SC5D: variants seen among roughly 807,000 people sequenced by gnomAD.
The protein encoded by SC5D is sterol-C5-desaturase.
SC5D carries 21 observed loss-of-function variants against 23.9 expected under a neutral mutation model. That is an observed-to-expected ratio of 0.88 (90% CI 0.62 to 1.26). The LOEUF is 1.26. SC5D is among the 50% of genes most tolerant of loss of function. The pLI is 0.00. For missense variants in SC5D, 309 were observed against 364.8 expected (o/e 0.85, Z 1.25); for synonymous variants, 113 against 125.9 (o/e 0.90, Z 0.68).
chr11:121,307,176 A>G lies in SC5D; in HGVS notation c.564A>G (p.Pro188=), dbSNP rs1303373158. ...LPYHIYPFIF[P]LHKVVYLSLY... is the part of the protein sequence containing the mutation. ...ACCATATATACCCTTTTATCTTTCCATTACACAAGGTGGTTTATTTAAGTC... is the reference window on the plus strand; with the variant it reads ...ACCATATATACCCTTTTATCTTTCCGTTACACAAGGTGGTTTATTTAAGTC... Residue 188 remains proline, a synonymous_variant, in exon 5 of 5, where the codon CCA becomes CCG. Coordinates refer to ENST00000264027, the MANE Select transcript of SC5D (RefSeq NM_006918.5). The G allele has an allele frequency of 4.3e-6, 7 of 1,613,864 alleles. No homozygotes were observed. The highest frequency in any genetic ancestry group is 2.2e-5 in the East Asian group (1 of 44,888).
chr11:121,297,461 T>G (rs1375196020), intron 1 of SC5D, among the ~76,000 whole-genome samples: 1 of 152,256 alleles, frequency 6.6e-6, no homozygotes, highest in Non-Finnish European at 1.5e-5. Context: ...TCTTTTTGCT[T>G]TAAGTTCGGC....
chr11:121,306,752 A>T lies in SC5D; in HGVS notation c.444+266A>T, dbSNP rs1167979538. Reference sequence around the variant, plus strand: ...ATTAGAGACTCCAGAAGGTGGGAGGATGGGAGAGGAGTGAGGGATGAGACG... The same window carrying T: ...ATTAGAGACTCCAGAAGGTGGGAGGTTGGGAGAGGAGTGAGGGATGAGACG... On this transcript the variant is annotated intron_variant, in intron 4 of 4. Transcript: ENST00000264027. The T allele has an allele frequency of 1.6e-5, 10 of 621,962 alleles. No individual in the cohort carries two copies. In the African/African-American group the frequency reaches 1.8e-4, roughly 11 times the overall value. The allele number at this position is 621,962 out of a possible 1,614,324, so 38.5% of individuals were successfully genotyped here. A position where few individuals can be genotyped will look rare whatever the true frequency, so the allele number is the denominator to read the frequency against.
rs902668104 is a variant in SC5D at position 121,310,910 on chromosome 11, A to T, written c.*3398A>T. On this transcript the variant is annotated 3_prime_UTR_variant, in exon 5 of 5. Transcript: ENST00000264027. ...GAAAATAAATTTCTATTATTTATAG[A>T]TTACCCAGTTGAAGATACTTTGTTA... Among the ~76,000 whole-genome samples the T allele has an allele frequency of 2.6e-5, 4 of 152,244 alleles. No individual in the cohort carries two copies. Among genetic ancestry groups the T allele is most frequent in the Non-Finnish European group, 5.9e-5 (4 of 68,040 alleles).
chr11:121,301,529 A>G (rs1420532819), intron 1 of SC5D, among the ~76,000 whole-genome samples: 1 of 152,170 alleles, frequency 6.6e-6, no homozygotes, highest in Non-Finnish European at 1.5e-5. Context: ...GAGTCCTAAA[A>G]GGAGAAGAGA....
chr11:121,298,433 G>A (rs972927918), intron 1 of SC5D, among the ~76,000 whole-genome samples: 2 of 152,182 alleles, frequency 1.3e-5, no homozygotes, highest in Non-Finnish European at 1.5e-5. Flanking sequence ...ATTACTTAAT[G>A]CTTGAAATGA....
chr11:121,304,499 TAAATA>T lies in SC5D; in HGVS notation c.343+8_343+12del, dbSNP rs1252435705. The T allele has an allele frequency of 6.2e-7, 1 of 1,613,088 alleles. No homozygotes were observed. Among genetic ancestry groups the T allele is most frequent in the South Asian group, 1.1e-5 (1 of 91,070 alleles). ...CCTAGGAGAGTTTCCATATGGTAAGTAAATAACACGAGTGTCAGGAAGAGAGTAGT... is the reference window on the plus strand; with the variant it reads ...CCTAGGAGAGTTTCCATATGGTAAGTACACGAGTGTCAGGAAGAGAGTAGT... On this transcript the variant is annotated splice_region_variant and intron_variant, in intron 3 of 4. Coordinates refer to ENST00000264027, the MANE Select transcript of SC5D (RefSeq NM_006918.5).
At position 121,313,099 on chromosome 11, in the gene SC5D, G is replaced by A. The variant is rs1380327668; in HGVS notation, c.*5587G>A. 6.6e-6 allele frequency among the ~76,000 whole-genome samples: 1 copy of A among 152,042 alleles called. No homozygotes were observed. The highest frequency in any genetic ancestry group is 1.5e-5 in the Non-Finnish European group (1 of 67,980). On this transcript the variant is annotated 3_prime_UTR_variant, in exon 5 of 5. Transcript: ENST00000264027. ...TCTTACCAGAATAAATTTCCTCTCC[G>A]TTTGCAGTCATTCTCCCCAGCCCTA...
intron 3 of SC5D, 113 bp from the exon 4 acceptor site, chr11:121,306,273 T>C (rs1326794400): frequency 1.4e-6 from 1 of 706,204 alleles, no homozygotes; most frequent in African/African-American, 1.8e-5. Flanking sequence ...GAACAGATCA[T>C]TTATAATGTT....
chr11:121,306,248 A>T, intron 3 of SC5D, 138 bp from the exon 4 acceptor site: 1 of 677,164 alleles, frequency 1.5e-6, no homozygotes, highest in Non-Finnish European at 2.7e-6. Context: ...AGTTTATAAT[A>T]TACTGAATTA....
At chr11:121,294,765 T>C (rs1174895885) in intron 1 of SC5D, among the ~76,000 whole-genome samples, 1 of 152,156 alleles carries the variant, frequency 6.6e-6, no homozygotes, top group Non-Finnish European at 1.5e-5. Flanking sequence ...CAATCAAACA[T>C]GTTTGTGTTC....
At chr11:121,294,084 T>C (rs1199131543) in intron 1 of SC5D, among the ~76,000 whole-genome samples, 1 of 152,240 alleles carries the variant, frequency 6.6e-6, no homozygotes. Context: ...TCTATACTTT[T>C]AAAGTAGGGC....
chr11:121,295,949 G>A (rs1947886042), intron 1 of SC5D, among the ~76,000 whole-genome samples: 1 of 152,112 alleles, frequency 6.6e-6, no homozygotes, highest in African/African-American at 2.4e-5. Flanking sequence ...GCCACTGCCC[G>A]AGGTCAGGCT....
intron 3 of SC5D, 76 bp downstream of exon 3, chr11:121,304,569 CT>C (rs10712296): frequency 0.17 from 189,170 of 1,097,548 alleles, 18,073 homozygotes; most frequent in East Asian, 0.38. Context: ...CAAGTCTGCC[CT>C]TTTTTTTTTC....
At chr11:121,300,964 C>CG (rs1484867563) in intron 1 of SC5D, among the ~76,000 whole-genome samples, 1 of 152,220 alleles carries the variant, frequency 6.6e-6, no homozygotes, top group East Asian at 1.9e-4. Context: ...AATTACTTAA[C>CG]GCACAGCAAC....
In SC5D at chr11:121,308,539, ATG is replaced by A. The variant is rs1056173528; in HGVS notation, c.*1033_*1034del. The A allele has an allele frequency of 6.6e-6, 1 of 152,614 alleles. No homozygotes were observed. The highest frequency in any genetic ancestry group is 2.4e-5 in the African/African-American group (1 of 41,468). The allele number at this position is 152,614 out of a possible 1,614,324, so 9.5% of individuals were successfully genotyped here. The stretch of plus-strand genomic sequence containing the variant: ...ATTTAACAAATACATTCATAAGGAA[ATG>A]TGTGTTGTAACAAATATATTGCAAA... On this transcript the variant is annotated 3_prime_UTR_variant, in exon 5 of 5. Transcript: ENST00000264027.
rs1948017905 is a variant in SC5D, at chr11:121,312,423, C to T, written c.*4911C>T. ...TTAACAATTTGTAAATTCCAATTATCCTGAACATTTAATACCATTTACATA... is the reference window on the plus strand; with the variant it reads ...TTAACAATTTGTAAATTCCAATTATTCTGAACATTTAATACCATTTACATA... On this transcript the variant is annotated 3_prime_UTR_variant, in exon 5 of 5. Transcript: ENST00000264027. 6.6e-6 allele frequency among the ~76,000 whole-genome samples: 1 copy of T among 152,054 alleles called. No individual in the cohort carries two copies. Among genetic ancestry groups the T allele is most frequent in the Non-Finnish European group, 1.5e-5 (1 of 67,992 alleles).
At position 121,308,967 on chromosome 11, in the gene SC5D, C is replaced by A. The variant is rs564454699; in HGVS notation, c.*1455C>A. Among the ~76,000 whole-genome samples, 1 of 152,346 alleles carries A rather than the reference C, an allele frequency of 6.6e-6. No homozygotes were observed. The highest frequency in any genetic ancestry group is 1.9e-4 in the East Asian group (1 of 5,186). On this transcript the variant is annotated 3_prime_UTR_variant, in exon 5 of 5. Coordinates refer to ENST00000264027, the MANE Select transcript of SC5D (RefSeq NM_006918.5). ...GGCAAATGTCATTTAGTGCTTTTCA[C>A]CAATCCCACTCACCCCCGGTGCTCC...
At chr11:121,296,080 A>G (rs1947887098) in intron 1 of SC5D, among the ~76,000 whole-genome samples, 1 of 152,082 alleles carries the variant, frequency 6.6e-6, no homozygotes, top group African/African-American at 2.4e-5. Flanking sequence ...CGTGTTGCCC[A>G]GGCTGGTCTC....
chr11:121,311,421 ATCTT>A lies in SC5D; in HGVS notation c.*3911_*3914del, dbSNP rs1948009766. On this transcript the variant is annotated 3_prime_UTR_variant, in exon 5 of 5. Transcript: ENST00000264027. ...ATGGTCCCTACATCAAGGATAAACT[ATCTT>A]TTTTTAGTCACTCAAAGTCATAACC... Among the ~76,000 whole-genome samples, 2 of 152,214 alleles carry A rather than the reference ATCTT, an allele frequency of 1.3e-5. No homozygotes were observed. Among genetic ancestry groups the A allele is most frequent in the South Asian group, 4.1e-4 (2 of 4,832 alleles).
Sources: allele counts gnomAD v4.1 joint callset (sites outside exome capture counted in the v4.1 genomes callset), GRCh38; gene constraint gnomAD v4.1.1; transcripts MANE v1.5; gene names NCBI Gene and HGNC (gene_info 2026-07-23, HGNC 2026-07-21).